Variants in HELLS observed in about 807,000 individuals in gnomAD.
HELLS encodes lymphoid-specific helicase.
A neutral mutation model predicts 120.0 loss-of-function variants in HELLS; 32 were observed. The ratio of observed to expected loss-of-function variants is 0.27; its 90% confidence interval spans 0.20 to 0.36. The LOEUF (loss-of-function observed/expected upper bound fraction) is 0.36, where lower values mean the gene tolerates loss of function less well. Among genes scored for constraint, HELLS ranks in the 10% least tolerant of loss-of-function variants. The probability of loss-of-function intolerance (pLI) is 1.00; values close to 1 mark genes in which losing one functional copy is unlikely to be tolerated. For missense variants in HELLS, 650 were observed against 993.4 expected (o/e 0.65, Z 4.65); for synonymous variants, 341 against 323.4 (o/e 1.05, Z -0.58).
At chr10:94,550,612 A>G (rs1221344847) in intron 2 of HELLS, among the ~76,000 whole-genome samples, 5 of 151,914 alleles carry the variant, frequency 3.3e-5, no homozygotes, top group South Asian at 2.1e-4. Flanking sequence ...TGTGCTGGCC[A>G]GGCGCGGTGG....
chr10:94,567,116 A>G (rs1030438336), intron 6 of HELLS, among the ~76,000 whole-genome samples: 1 of 152,116 alleles, frequency 6.6e-6, no homozygotes, highest in East Asian at 1.9e-4. Flanking sequence ...TTGGAGGGGT[A>G]TAACCCAATT....
At chr10:94,569,911 A>G (rs1844050133) in intron 6 of HELLS, 1 of 152,136 alleles carries the variant, frequency 6.6e-6, no homozygotes, top group Admixed American at 6.6e-5. Context: ...AATTCTGTAT[A>G]ATTCCCCACA....
chr10:94,587,902 T>G (rs1450503901), intron 12 of HELLS, among the ~76,000 whole-genome samples: 1 of 152,228 alleles, frequency 6.6e-6, no homozygotes, highest in African/African-American at 2.4e-5. Flanking sequence ...ATGGTGCTGA[T>G]AACATCTCAT....
intron 21 of HELLS, among the ~76,000 whole-genome samples, chr10:94,599,550 G>T (rs1217727779): frequency 6.6e-6 from 1 of 152,004 alleles, no homozygotes; most frequent in Non-Finnish European, 1.5e-5. Context: ...AGAGACAGGG[G>T]TTTGCCATGT....
At chr10:94,556,249 A>G (rs1843256235) in intron 3 of HELLS, among the ~76,000 whole-genome samples, 1 of 152,192 alleles carries the variant, frequency 6.6e-6, no homozygotes, top group African/African-American at 2.4e-5. Flanking sequence ...ACCCCCACAC[A>G]TTGGGTCACA....
At chr10:94,560,948 C>T (rs183916873) in intron 4 of HELLS, among the ~76,000 whole-genome samples, 101 of 151,050 alleles carry the variant, frequency 6.7e-4, no homozygotes, top group East Asian at 1.8e-3. Context: ...CCCAGCTACT[C>T]GGGAGGCTGA....
intron 15 of HELLS, 107 bp downstream of exon 15, chr10:94,590,883 A>G: frequency 3.3e-6 from 2 of 605,976 alleles, no homozygotes; most frequent in Non-Finnish European, 5.2e-6. Flanking sequence ...GTATGGTGCT[A>G]TTTGTCATGA....
intron 12 of HELLS, among the ~76,000 whole-genome samples, chr10:94,584,290 T>C (rs895809044): frequency 5.9e-5 from 9 of 152,094 alleles, no homozygotes; most frequent in African/African-American, 2.2e-4. Context: ...AAGTTAATGT[T>C]GCAAATAATT....
At chr10:94,583,555 T>C (rs554523343) in intron 12 of HELLS, among the ~76,000 whole-genome samples, 1 of 152,254 alleles carries the variant, frequency 6.6e-6, no homozygotes, top group Non-Finnish European at 1.5e-5. Flanking sequence ...TTTTCTGATA[T>C]TAAAGTTTAT....
rs1845283661 is a variant in HELLS, at chr10:94,588,333, G to A, written c.1431G>A (p.Glu477=). The change falls in exon 13 of 22, where the codon GAG becomes GAA. Residue 477 remains glutamate (E), a synonymous_variant. Transcript: ENST00000348459. ...ATGCTCCACTTTCAAAGAAGCAGGA[G>A]ATCTTTTATACAGCCATTGTGAACC... is the stretch of plus-strand genomic sequence containing the variant. The part of the protein sequence containing the change: ...VVYAPLSKKQ[E]IFYTAIVNRT... 3.7e-6 allele frequency: 6 copies of A among 1,612,786 alleles called. No individual in the cohort carries two copies. Among genetic ancestry groups the A allele is most frequent in the Admixed American group, 1.7e-5 (1 of 59,874 alleles).
At chr10:94,546,325 G>A in intron 1 of HELLS, 52 bp from the exon 2 acceptor site, 1 of 1,611,098 alleles carries the variant, frequency 6.2e-7, no homozygotes, top group Non-Finnish European at 8.5e-7. Context: ...TTGGAGTTGA[G>A]TAGTTGGTAA....
At position 94,554,266 on chromosome 10, in the gene HELLS, A is replaced by G. The variant is rs1843130316; in HGVS notation, c.276+18A>G. On this transcript the variant is annotated intron_variant, in intron 3 of 21. Coordinates refer to ENST00000348459, the MANE Select transcript of HELLS (RefSeq NM_018063.5). ...AATTAGAGGTATGTATATGTAACTG[A>G]CTACAAGTGAAAGCTTAAAAAAATT... 1 of 1,515,054 alleles carries G rather than the reference A, an allele frequency of 6.6e-7. No individual in the cohort carries two copies. Among genetic ancestry groups the G allele is most frequent in the Non-Finnish European group, 8.8e-7 (1 of 1,136,156 alleles). 93.9% of individuals were successfully genotyped at this position (1,515,054 alleles called of 1,614,324 possible). A position where few individuals can be genotyped will look rare whatever the true frequency, so the allele number is the denominator to read the frequency against.
At chr10:94,554,642 G>A (rs1589703221) in intron 3 of HELLS, among the ~76,000 whole-genome samples, 1 of 135,918 alleles carries the variant, frequency 7.4e-6, no homozygotes, top group East Asian at 2.4e-4. Flanking sequence ...CAAAGTAATA[G>A]TGTTTTTTTT....
downstream of HELLS, among the ~76,000 whole-genome samples, chr10:94,603,017 A>G (rs1003859357): frequency 3.9e-5 from 6 of 152,272 alleles, no homozygotes; most frequent in African/African-American, 9.6e-5. Context: ...CCCTGAGAAA[A>G]TAGACGCAGT....
In HELLS at chr10:94,576,811, A is replaced by G. The variant is rs2134062486; in HGVS notation, c.1032+6A>G. The G allele has an allele frequency of 6.3e-7, 1 of 1,592,616 alleles. No homozygotes were observed. The highest frequency in any genetic ancestry group is 8.5e-7 in the Non-Finnish European group (1 of 1,170,324). On this transcript the variant is annotated splice_donor_region_variant and intron_variant, in intron 10 of 21. Coordinates refer to ENST00000348459, the MANE Select transcript of HELLS (RefSeq NM_018063.5). ...GAGACCGAAATGCGTTACAGGTACA[A>G]ATGATCTTCATTGGTTTCTTTGTAA...
chr10:94,605,643 C>CTTTTTTTT (rs1206815493), downstream of HELLS, among the ~76,000 whole-genome samples: 7 of 125,106 alleles, frequency 5.6e-5, 1 homozygote, highest in Non-Finnish European at 1.2e-4. Flanking sequence ...TTAATGGTTC[C>CTTTTTTTT]TTTTTTTTTT....
intron 3 of HELLS, among the ~76,000 whole-genome samples, chr10:94,556,120 T>C (rs1277064731): frequency 6.6e-6 from 1 of 152,198 alleles, no homozygotes; most frequent in Non-Finnish European, 1.5e-5. Flanking sequence ...TCTTGGGGAC[T>C]GAACCCTCAA....
intron 10 of HELLS, among the ~76,000 whole-genome samples, chr10:94,580,146 TATATATATATATATATACACAC>T (rs1190209427): frequency 3.7e-4 from 21 of 56,292 alleles, no homozygotes; most frequent in African/African-American, 2.1e-3. Context: ...TATATATATA[TATATATATATATATATACACAC>T]ACACACACAC....
chr10:94,603,963 G>C (rs1001866187), downstream of HELLS, among the ~76,000 whole-genome samples: 3 of 151,966 alleles, frequency 2.0e-5, no homozygotes, highest in Non-Finnish European at 2.9e-5. Context: ...GAGCAGCTGG[G>C]GTTACAGGTG....
Sources: gnomAD v4.1 joint callset for allele counts (sites outside exome capture counted in the v4.1 genomes callset) on GRCh38, gnomAD v4.1.1 for gene constraint, MANE v1.5 for transcripts, NCBI Gene and HGNC (gene_info 2026-07-23, HGNC 2026-07-21) for gene names.